TLL2: variants seen among roughly 807,000 people sequenced by gnomAD.
The protein encoded by TLL2 is tolloid like 2.
TLL2 carries 106 observed loss-of-function variants against 123.0 expected under a neutral mutation model. The ratio of observed to expected loss-of-function variants is 0.86; its 90% CI spans 0.74 to 1.01. The LOEUF (loss-of-function observed/expected upper bound fraction) is 1.01, where lower values mean the gene tolerates loss of function less well. Among genes scored for constraint, TLL2 ranks in the 50% least tolerant of loss-of-function variants. TLL2 has a pLI of 0.00. For missense variants in TLL2, 1,332 were observed against 1,336.7 expected, an observed-to-expected ratio of 1.00 and a Z score of 0.06; for synonymous variants, 494 against 516.8, an observed-to-expected ratio of 0.96 and a Z score of 0.60.
rs371441615 is a variant in TLL2, at chr10:96,479,291, C to T, written c.286+1058G>A. On this transcript the variant is annotated intron_variant, in intron 2 of 20. Transcript: ENST00000357947. ...ACTGGCGATGAGGTCCCCGTGACCT[C>T]CTGGCAATGTCAGCCCTCATCCACC... Among the ~76,000 whole-genome samples the T allele has an allele frequency of 1.8e-3, 273 of 152,356 alleles. 2 individuals carry two copies. Among genetic ancestry groups the T allele is most frequent in the South Asian group, 2.9e-3 (14 of 4,830 alleles).
chr10:96,488,569 AG>A (rs1847379529), intron 1 of TLL2, among the ~76,000 whole-genome samples: 1 of 152,184 alleles, frequency 6.6e-6, no homozygotes, highest in South Asian at 2.1e-4. Flanking sequence ...CTTCACTCAG[AG>A]GGGACACAGC....
At chr10:96,406,817 C>T (rs575472795) in intron 9 of TLL2, among the ~76,000 whole-genome samples, 4 of 152,248 alleles carry the variant, frequency 2.6e-5, no homozygotes, top group African/African-American at 4.8e-5. Flanking sequence ...GCCATTGCCC[C>T]GATGGTCAAG....
chr10:96,433,931 A>G (rs1176934302), intron 3 of TLL2, among the ~76,000 whole-genome samples: 2 of 152,078 alleles, frequency 1.3e-5, no homozygotes, highest in Non-Finnish European at 2.9e-5. Flanking sequence ...GGAAGCCATC[A>G]TGCCTGGCTA....
chr10:96,478,024 C>CCAAATT (rs1156731637), intron 2 of TLL2, among the ~76,000 whole-genome samples: 16 of 152,338 alleles, frequency 1.1e-4, no homozygotes, highest in African/African-American at 2.6e-4. Flanking sequence ...AGACAGGCCT[C>CCAAATT]CAAATTCTTA....
chr10:96,386,682 A>G (rs1186836158), intron 14 of TLL2, among the ~76,000 whole-genome samples: 2 of 152,204 alleles, frequency 1.3e-5, no homozygotes, highest in Non-Finnish European at 2.9e-5. Context: ...TCCTACTTTA[A>G]TAATCATGTC....
intron 3 of TLL2, among the ~76,000 whole-genome samples, chr10:96,437,759 G>C (rs1313441274): frequency 6.6e-6 from 1 of 152,152 alleles, no homozygotes; most frequent in Non-Finnish European, 1.5e-5. Flanking sequence ...CTGAGTAGTA[G>C]TCCATGGTAT....
chr10:96,498,339 A>G (rs1040484981), intron 1 of TLL2, among the ~76,000 whole-genome samples: 15 of 152,186 alleles, frequency 9.9e-5, no homozygotes, highest in African/African-American at 3.6e-4. Flanking sequence ...TCTCACGGGA[A>G]ATATTAAAAG....
chr10:96,374,059 G>A, intron 18 of TLL2: 1 of 498,432 alleles, frequency 2.0e-6, no homozygotes, highest in East Asian at 3.6e-5. Flanking sequence ...TGACCACACT[G>A]CAGATGAGAG....
At chr10:96,436,320 C>T (rs1846794768) in intron 3 of TLL2, among the ~76,000 whole-genome samples, 1 of 152,146 alleles carries the variant, frequency 6.6e-6, no homozygotes, top group African/African-American at 2.4e-5. Flanking sequence ...TTAGGCCTTC[C>T]TTGGTAAGCT....
At chr10:96,467,234 C>T in intron 2 of TLL2, among the ~76,000 whole-genome samples, 1 of 151,960 alleles carries the variant, frequency 6.6e-6, no homozygotes, top group East Asian at 1.9e-4. Context: ...GCTTTGTCAC[C>T]CAGGCTGCAG....
chr10:96,395,370 C>A lies in TLL2; in HGVS notation c.1543G>T (p.Asp515Tyr). The A allele has an allele frequency of 6.3e-7, 1 of 1,590,352 alleles. No homozygotes were observed. The highest frequency in any genetic ancestry group is 8.6e-7 in the Non-Finnish European group (1 of 1,168,292). ...TCCAGGTAGTCATATGCACAGCTGT[C>A]GTGCCTTTCAATCTAAAGGAAGAAA... ...TFQAFEIERH[D>Y]SCAYDYLEVR... Residue 515 changes from aspartate to tyrosine, a missense_variant, in exon 13 of 21, where the codon GAC becomes TAC. Asp to Tyr is a radical substitution (Grantham distance 160). Coordinates refer to ENST00000357947, the MANE Select transcript of TLL2 (RefSeq NM_012465.4).
At chr10:96,447,411 A>G (rs1291245815) in intron 2 of TLL2, among the ~76,000 whole-genome samples, 1 of 152,236 alleles carries the variant, frequency 6.6e-6, no homozygotes, top group Non-Finnish European at 1.5e-5. Flanking sequence ...AAGCGGGGTG[A>G]ACAGTTAGGA....
At chr10:96,467,831 G>T (rs1301459461) in intron 2 of TLL2, among the ~76,000 whole-genome samples, 1 of 152,202 alleles carries the variant, frequency 6.6e-6, no homozygotes. Context: ...GAGAGGCTGA[G>T]ACACAGTCTT....
At chr10:96,480,515 T>C (rs1847302331) in intron 1 of TLL2, 56 bp from the exon 2 acceptor site, 1 of 1,388,578 alleles carries the variant, frequency 7.2e-7, no homozygotes, top group African/African-American at 1.4e-5. Context: ...GAAAAATGGA[T>C]TCACTAATGC....
chr10:96,463,232 T>C (rs1161998525), intron 2 of TLL2, among the ~76,000 whole-genome samples: 1 of 152,208 alleles, frequency 6.6e-6, no homozygotes, highest in Non-Finnish European at 1.5e-5. Flanking sequence ...CTTACGGTCA[T>C]GTCTTCCGAG....
At chr10:96,408,054 A>G in intron 9 of TLL2, among the ~76,000 whole-genome samples, 1 of 152,228 alleles carries the variant, frequency 6.6e-6, no homozygotes, top group Admixed American at 6.5e-5. Flanking sequence ...AGGGGGACCC[A>G]AAATAAACAG....
chr10:96,395,920 C>A lies in TLL2; in HGVS notation c.1485G>T (p.Thr495=), dbSNP rs140598941. 6.2e-7 allele frequency: 1 copy of A among 1,614,186 alleles called. No homozygotes were observed. The highest frequency in any genetic ancestry group is 8.5e-7 in the Non-Finnish European group (1 of 1,180,034). ...RPSKECVWRI[T]VSEGFHVGLT... Reference sequence around the variant, plus strand: ...GTCCCACGTGAAACCCCTCTGAAACCGTAATCCTCCAGACACATTCCTTGG... The same window carrying A: ...GTCCCACGTGAAACCCCTCTGAAACAGTAATCCTCCAGACACATTCCTTGG... Residue 495 remains threonine, a synonymous_variant, in exon 12 of 21, where the codon ACG becomes ACT. Coordinates refer to ENST00000357947, the MANE Select transcript of TLL2 (RefSeq NM_012465.4).
chr10:96,374,564 T>C (rs1454892216), intron 18 of TLL2: 3 of 152,302 alleles, frequency 2.0e-5, no homozygotes, highest in African/African-American at 7.2e-5. Context: ...CTCTTACTTC[T>C]GGTGATGCTG....
chr10:96,494,424 C>T (rs1350632637), intron 1 of TLL2, among the ~76,000 whole-genome samples: 2 of 152,256 alleles, frequency 1.3e-5, no homozygotes, highest in African/African-American at 4.8e-5. Context: ...CCATCCTGGC[C>T]ATATGCCCTG....
Sources: gnomAD v4.1 joint callset for allele counts (sites outside exome capture counted in the v4.1 genomes callset) on GRCh38, gnomAD v4.1.1 for gene constraint, MANE v1.5 for transcripts, NCBI Gene and HGNC (gene_info 2026-07-23, HGNC 2026-07-21) for gene names.